Variants in ADAMTS2 observed in about 807,000 individuals in gnomAD.
The protein encoded by ADAMTS2 is ADAM metallopeptidase with thrombospondin type 1 motif 2, also known as A disintegrin and metalloproteinase with thrombospondin motifs 2.
A neutral mutation model predicts 123.0 loss-of-function variants in ADAMTS2; 50 were observed. The ratio of observed to expected loss-of-function variants is 0.41; its 90% confidence interval spans 0.32 to 0.51. The LOEUF (loss-of-function observed/expected upper bound fraction) is 0.51, where lower values mean the gene tolerates loss of function less well. ADAMTS2 is among the 20% of genes least tolerant of loss of function. The probability of loss-of-function intolerance (pLI) is 0.35; values close to 1 mark genes in which losing one functional copy is unlikely to be tolerated. For synonymous variants in ADAMTS2, 678 were observed against 695.4 expected (o/e 0.98, Z 0.39); for missense variants, 1,494 against 1,705.2 (o/e 0.88, Z 2.18).
chr5:179,327,527 TC>T (rs1348836927), intron 2 of ADAMTS2, among the ~76,000 whole-genome samples: 3 of 152,132 alleles, frequency 2.0e-5, no homozygotes, highest in Non-Finnish European at 4.4e-5. Context: ...TGAGAGAGCC[TC>T]CTTGACTGAA....
intron 5 of ADAMTS2, among the ~76,000 whole-genome samples, chr5:179,163,730 A>C (rs1046307476): frequency 6.6e-6 from 1 of 152,324 alleles, no homozygotes; most frequent in Admixed American, 6.5e-5. Context: ...GCGGCAAGAC[A>C]ATTTATTGAA....
At chr5:179,340,453 T>C (rs192818778) in intron 2 of ADAMTS2, among the ~76,000 whole-genome samples, 230 of 152,274 alleles carry the variant, frequency 1.5e-3, no homozygotes, top group African/African-American at 4.9e-3. Flanking sequence ...CTGACGATGG[T>C]CAAACCCACA....
At position 179,181,005 on chromosome 5, in the gene ADAMTS2, T is replaced by G. The variant is rs1764034822; in HGVS notation, c.975+67A>C. On this transcript the variant is annotated intron_variant, in intron 5 of 21. Transcript: ENST00000251582. This position sits in a 1 kb window ranked among gnomAD's most constrained non-coding sequence, Gnocchi z 4.1. ...CGCACACACTCTCCAAGGAGGCCCATGCCTCACTCCCAGGCCCCTCACTCC... is the reference window on the plus strand; with the variant it reads ...CGCACACACTCTCCAAGGAGGCCCAGGCCTCACTCCCAGGCCCCTCACTCC... The G allele has an allele frequency of 2.4e-6, 3 of 1,255,344 alleles. No individual in the cohort carries two copies. The highest frequency in any genetic ancestry group is 3.5e-6 in the Non-Finnish European group (3 of 856,176). The allele number at this position is 1,255,344 out of a possible 1,614,324, so 77.8% of individuals were successfully genotyped here. A position where few individuals can be genotyped will look rare whatever the true frequency, so the allele number is the denominator to read the frequency against.
chr5:179,115,656 GGAAA>G lies in ADAMTS2; in HGVS notation c.3179-1336_3179-1333del, dbSNP rs1449048714. Among the ~76,000 whole-genome samples, 1 of 151,978 alleles carries G rather than the reference GGAAA, an allele frequency of 6.6e-6. No individual in the cohort carries two copies. Reference sequence around the variant, plus strand: ...TGAAGGAAGGAAAGAAAGGAAAAAAGGAAAGGGAGGGAGGGACAAAAGGAAGAAA... The same window carrying G: ...TGAAGGAAGGAAAGAAAGGAAAAAAGGGGAGGGAGGGACAAAAGGAAGAAA... On this transcript the variant is annotated intron_variant, in intron 21 of 21. Transcript: ENST00000251582. The surrounding 1 kb of genome is among the most constrained non-coding windows in gnomAD (Gnocchi z 4.4).
intron 2 of ADAMTS2, among the ~76,000 whole-genome samples, chr5:179,302,908 A>G (rs1276115933): frequency 7.8e-5 from 9 of 115,978 alleles, no homozygotes; most frequent in Admixed American, 4.2e-4. Context: ...ATGTGAGTGG[A>G]GTGTGGAGAG....
Position 179,262,460 on chromosome 5 carries a change from G to A in ADAMTS2, c.688+10451C>T, listed in dbSNP as rs57060660. ...CGCACAGGGAATGAATTCTCACCCC[G>A]TACCGTGACCGTCCCTTCAAAGCGA... is the stretch of plus-strand genomic sequence containing the variant. On this transcript the variant is annotated intron_variant, in intron 3 of 21. Transcript: ENST00000251582. The surrounding 1 kb of genome is among the most constrained non-coding windows in gnomAD (Gnocchi z 5.9). 6.6e-6 allele frequency among the ~76,000 whole-genome samples: 1 copy of A among 151,304 alleles called. No homozygotes were observed. The highest frequency in any genetic ancestry group is 1.5e-5 in the Non-Finnish European group (1 of 67,852).
Position 179,305,935 on chromosome 5 carries a change from T to A in ADAMTS2, c.535-32871A>T, listed in dbSNP as rs1013096915. 7.2e-5 allele frequency among the ~76,000 whole-genome samples: 11 copies of A among 152,156 alleles called. No homozygotes were observed. In the South Asian group the frequency reaches 1.9e-3, roughly 26 times the overall value. On this transcript the variant is annotated intron_variant, in intron 2 of 21. Coordinates refer to ENST00000251582, the MANE Select transcript of ADAMTS2 (RefSeq NM_014244.5). The stretch of plus-strand genomic sequence containing the variant: ...CTACCAAAACTTACCCAAGACAAAG[T>A]AGATAGCATAAAAAGTTCTGTAACT...
At chr5:179,328,804 C>T (rs1449737741) in intron 2 of ADAMTS2, among the ~76,000 whole-genome samples, 1 of 152,170 alleles carries the variant, frequency 6.6e-6, no homozygotes, top group Non-Finnish European at 1.5e-5. Context: ...AATAAACCTA[C>T]TGGGCTATGT....
intron 2 of ADAMTS2, among the ~76,000 whole-genome samples, chr5:179,281,992 C>T (rs1239409724): frequency 6.6e-6 from 1 of 152,110 alleles, no homozygotes; most frequent in East Asian, 1.9e-4. Context: ...TTTAATAAGA[C>T]CATTTTCTTT....
chr5:179,321,573 A>C (rs1194666937), intron 2 of ADAMTS2, among the ~76,000 whole-genome samples: 1 of 152,128 alleles, frequency 6.6e-6, no homozygotes, highest in East Asian at 1.9e-4. Context: ...TTGTCTGCAC[A>C]TGGTGGGGGG....
chr5:179,231,945 A>G (rs200815695), intron 3 of ADAMTS2, among the ~76,000 whole-genome samples: 14 of 6,424 alleles, frequency 2.2e-3, no homozygotes, highest in Admixed American at 2.6e-3. Flanking sequence ...AAGAAAAAGA[A>G]AAAAAAAAAG....
At chr5:179,194,950 C>T (rs532724383) in intron 4 of ADAMTS2, among the ~76,000 whole-genome samples, 1 of 152,318 alleles carries the variant, frequency 6.6e-6, no homozygotes, top group African/African-American at 2.4e-5. Flanking sequence ...CCACAAGCTC[C>T]AGCAGGGCCC....
At chr5:179,270,106 G>T (rs181476991) in intron 3 of ADAMTS2, among the ~76,000 whole-genome samples, 12 of 152,258 alleles carry the variant, frequency 7.9e-5, no homozygotes, top group African/African-American at 2.9e-4. Flanking sequence ...CTTTAAAACC[G>T]TCATTTTCTA....
chr5:179,335,114 T>C (rs577447346), intron 2 of ADAMTS2, among the ~76,000 whole-genome samples: 20 of 152,188 alleles, frequency 1.3e-4, no homozygotes, highest in African/African-American at 4.6e-4. Context: ...GAAAATTTTG[T>C]AAGAGAATAC....
At chr5:179,273,208 T>C in intron 2 of ADAMTS2, 144 bp from the exon 3 acceptor site, 1 of 1,319,754 alleles carries the variant, frequency 7.6e-7, no homozygotes, top group African/African-American at 1.4e-5. Context: ...AACCCTGGGC[T>C]GGCCGGAGGG....
chr5:179,329,638 A>G (rs1323536242), intron 2 of ADAMTS2, among the ~76,000 whole-genome samples: 1 of 152,222 alleles, frequency 6.6e-6, no homozygotes. Flanking sequence ...CTACAGGCTG[A>G]GTAACCAGAA....
Position 179,140,069 on chromosome 5 carries a change from C to T in ADAMTS2, c.1630-34G>A, listed in dbSNP as rs183540257. 8.1e-6 allele frequency: 13 copies of T among 1,613,340 alleles called. No individual in the cohort carries two copies. In the East Asian group the frequency reaches 2.7e-4, roughly 33 times the overall value. ...CAGGAAGCCAGTCCCTCCACTCACC[C>T]TCACACCGGGCCGTGGGGACAGTCC... On this transcript the variant is annotated intron_variant, in intron 10 of 21. Transcript: ENST00000251582.
At chr5:179,241,924 A>G (rs893197383) in intron 3 of ADAMTS2, among the ~76,000 whole-genome samples, 11 of 152,090 alleles carry the variant, frequency 7.2e-5, no homozygotes, top group Admixed American at 3.9e-4. Flanking sequence ...GCCTTGCCCC[A>G]CCCAATGTGT....
intron 3 of ADAMTS2, among the ~76,000 whole-genome samples, chr5:179,254,323 G>A (rs1241265149): frequency 6.6e-6 from 1 of 152,210 alleles, no homozygotes; most frequent in Non-Finnish European, 1.5e-5. Flanking sequence ...TTTCTATGAA[G>A]TATACAGAAT....
Sources: gnomAD v4.1 joint callset for allele counts (sites outside exome capture counted in the v4.1 genomes callset) on GRCh38, gnomAD v4.1.1 for gene constraint, Gnocchi (gnomAD v3.1) non-coding constraint, MANE v1.5 for transcripts, NCBI Gene and HGNC (gene_info 2026-07-23, HGNC 2026-07-21) for gene names.